The following ANKS1B variants were observed in gnomAD, a reference collection of about 807,000 sequenced individuals.
ANKS1B encodes ankyrin repeat and sterile alpha motif domain-containing protein 1B.
In ANKS1B, 36 loss-of-function variants were observed where a neutral mutation model predicts 148.3. The observed-to-expected ratio is 0.24, with a 90% CI of 0.19 to 0.32. The LOEUF (loss-of-function observed/expected upper bound fraction) is 0.32, where lower values mean the gene tolerates loss of function less well. ANKS1B is among the 10% of genes least tolerant of loss of function. The pLI is 1.00. For synonymous variants in ANKS1B, 542 were observed against 560.8 expected, an observed-to-expected ratio of 0.97 and a Z score of 0.47; for missense variants, 1,157 against 1,542.6, an observed-to-expected ratio of 0.75 and a Z score of 4.19.
intron 10 of ANKS1B, among the ~76,000 whole-genome samples, chr12:99,463,672 G>A (rs979527641): frequency 8.5e-5 from 13 of 152,192 alleles, no homozygotes; most frequent in African/African-American, 1.4e-4. Flanking sequence ...CTACGCCCAC[G>A]GAGTCTCACT....
chr12:99,291,458 A>T (rs977449564), intron 12 of ANKS1B, among the ~76,000 whole-genome samples: 1 of 152,176 alleles, frequency 6.6e-6, no homozygotes, highest in African/African-American at 2.4e-5. Context: ...AAAACAAACA[A>T]AACTGGAGGA....
intron 8 of ANKS1B, among the ~76,000 whole-genome samples, chr12:99,693,405 T>C (rs1188280288): frequency 6.6e-6 from 1 of 152,202 alleles, no homozygotes; most frequent in Non-Finnish European, 1.5e-5. Flanking sequence ...TAGATATCTC[T>C]TTCAAAATAT....
chr12:99,617,314 A>G (rs1028345109), intron 9 of ANKS1B, among the ~76,000 whole-genome samples: 2 of 152,190 alleles, frequency 1.3e-5, no homozygotes, highest in African/African-American at 2.4e-5. Context: ...AGTATTATAA[A>G]TCATTCCACT....
At chr12:98,954,511 A>C (rs1453665424) in intron 17 of ANKS1B, 1 of 152,248 alleles carries the variant, frequency 6.6e-6, no homozygotes, top group Non-Finnish European at 1.5e-5. Context: ...CAAGGTCAGC[A>C]AACCAATAGG....
intron 15 of ANKS1B, among the ~76,000 whole-genome samples, chr12:99,108,788 A>T (rs139507602): frequency 0.01 from 1,562 of 152,284 alleles, 28 homozygotes; most frequent in African/African-American, 0.036. Flanking sequence ...AGGGAAAAGG[A>T]GAAAAGAAAA....
intron 12 of ANKS1B, among the ~76,000 whole-genome samples, chr12:99,303,993 T>C (rs2082016391): frequency 6.6e-6 from 1 of 152,142 alleles, no homozygotes; most frequent in Non-Finnish European, 1.5e-5. Context: ...TATTCCATGG[T>C]ATTCTTTATC....
intron 9 of ANKS1B, among the ~76,000 whole-genome samples, chr12:99,515,907 C>T (rs971295564): frequency 2.0e-5 from 3 of 152,030 alleles, no homozygotes; most frequent in African/African-American, 4.8e-5. Flanking sequence ...ATGTCTCTGA[C>T]GATCAGTGAT....
rs114953127 is a variant in ANKS1B at position 99,837,190 on chromosome 12, G to A, written c.135-11801C>T. 7.9e-3 allele frequency among the ~76,000 whole-genome samples: 1,197 copies of A among 152,232 alleles called. 15 individuals carry two copies. The highest frequency in any genetic ancestry group is 0.027 in the African/African-American group (1,131 of 41,526). Reference sequence around the variant, plus strand: ...GGAAGAGGGTCATGAACCTAGAAACGTAAGCAGCCTCTAGTAGCTGGAAAA... The same window carrying A: ...GGAAGAGGGTCATGAACCTAGAAACATAAGCAGCCTCTAGTAGCTGGAAAA... On this transcript the variant is annotated intron_variant, in intron 1 of 26. Coordinates refer to ENST00000683438, the MANE Select transcript of ANKS1B (RefSeq NM_001352186.2).
At chr12:99,400,733 A>G (rs2094381454) in intron 11 of ANKS1B, among the ~76,000 whole-genome samples, 1 of 145,022 alleles carries the variant, frequency 6.9e-6, no homozygotes, top group African/African-American at 2.6e-5. Flanking sequence ...TAATAATTAT[A>G]AGAGATCAAA....
chr12:99,724,457 A>G (rs916687408), intron 8 of ANKS1B, among the ~76,000 whole-genome samples: 2 of 152,220 alleles, frequency 1.3e-5, no homozygotes, highest in African/African-American at 4.8e-5. Flanking sequence ...GATTAGAGGA[A>G]AAAGAATGAA....
chr12:99,499,736 C>T (rs1449081738), intron 10 of ANKS1B, among the ~76,000 whole-genome samples: 1 of 152,096 alleles, frequency 6.6e-6, no homozygotes, highest in Non-Finnish European at 1.5e-5. Flanking sequence ...CCACATGGAA[C>T]AGAGACAAGC....
At chr12:99,535,130 G>T (rs2097052741) in intron 9 of ANKS1B, among the ~76,000 whole-genome samples, 1 of 152,162 alleles carries the variant, frequency 6.6e-6, no homozygotes, top group Non-Finnish European at 1.5e-5. Flanking sequence ...CCTGCAAAAA[G>T]CTTAAGAAAC....
chr12:98,813,329 A>G (rs2099112787), intron 19 of ANKS1B, among the ~76,000 whole-genome samples: 1 of 148,742 alleles, frequency 6.7e-6, no homozygotes, highest in Non-Finnish European at 1.5e-5. Context: ...CTCTCACCTC[A>G]GCCTCCCAAG....
intron 9 of ANKS1B, among the ~76,000 whole-genome samples, chr12:99,636,484 T>C (rs1360857319): frequency 1.3e-5 from 2 of 152,162 alleles, no homozygotes; most frequent in Non-Finnish European, 2.9e-5. Context: ...ATAGATTTTC[T>C]CCATAAGCTA....
intron 17 of ANKS1B, among the ~76,000 whole-genome samples, chr12:98,931,440 T>C (rs2099813606): frequency 6.6e-6 from 1 of 152,130 alleles, no homozygotes; most frequent in Non-Finnish European, 1.5e-5. Flanking sequence ...GTAAATACAA[T>C]AAGGCAACTG....
At chr12:98,850,297 A>T (rs755037965) in intron 17 of ANKS1B, among the ~76,000 whole-genome samples, 8 of 152,048 alleles carry the variant, frequency 5.3e-5, no homozygotes, top group Non-Finnish European at 8.8e-5. Context: ...AAGATGGGTA[A>T]TTTGGATATC....
chr12:99,725,144 T>C (rs572231239), intron 8 of ANKS1B, among the ~76,000 whole-genome samples: 1 of 152,266 alleles, frequency 6.6e-6, no homozygotes, highest in South Asian at 2.1e-4. Context: ...AGGATCAAAA[T>C]CACATATAAC....
chr12:99,583,001 G>A (rs2097585293), intron 9 of ANKS1B, among the ~76,000 whole-genome samples: 2 of 152,000 alleles, frequency 1.3e-5, no homozygotes, highest in Admixed American at 1.3e-4. Context: ...AAGCTTTGTA[G>A]GAACACCTCT....
intron 9 of ANKS1B, among the ~76,000 whole-genome samples, chr12:99,654,745 T>G (rs1180100781): frequency 6.6e-6 from 1 of 152,138 alleles, no homozygotes; most frequent in African/African-American, 2.4e-5. Context: ...TAGACAACTT[T>G]TACTTTTTAA....
Sources: allele counts gnomAD v4.1 joint callset (sites outside exome capture counted in the v4.1 genomes callset), GRCh38; gene constraint gnomAD v4.1.1; transcripts MANE v1.5; gene names NCBI Gene and HGNC (gene_info 2026-07-23, HGNC 2026-07-21).